The following ANKRD17 variants were observed in gnomAD, a reference collection of about 807,000 sequenced individuals.
ANKRD17 encodes the protein ankyrin repeat domain 17, also known as ankyrin repeat domain-containing protein 17.
A neutral mutation model predicts 229.7 loss-of-function variants in ANKRD17; 19 were observed. The observed-to-expected ratio is 0.08, with a 90% CI of 0.06 to 0.12. The LOEUF is 0.12. Among genes scored for constraint, ANKRD17 ranks in the 10% least tolerant of loss-of-function variants. The pLI is 1.00. For missense variants in ANKRD17, 2,176 were observed against 3,176.8 expected (o/e 0.68, Z 7.57); for synonymous variants, 1,112 against 1,146.1 (o/e 0.97, Z 0.60).
intron 22 of ANKRD17, among the ~76,000 whole-genome samples, chr4:73,116,887 C>G (rs374590598): frequency 2.7e-4 from 41 of 151,854 alleles, no homozygotes; most frequent in East Asian, 9.6e-4. Flanking sequence ...ATATAGTACT[C>G]TAGCCCACAG....
In ANKRD17 at chr4:73,240,758, C is replaced by G. The variant is rs530449230; in HGVS notation, c.393+17518G>C. 9.9e-5 allele frequency among the ~76,000 whole-genome samples: 15 copies of G among 151,992 alleles called. No individual in the cohort carries two copies. In the East Asian group the frequency reaches 2.9e-3, roughly 29 times the overall value. On this transcript the variant is annotated intron_variant, in intron 1 of 33. Coordinates refer to ENST00000358602, the MANE Select transcript of ANKRD17 (RefSeq NM_032217.5). ...ACAGGAAACTGCTTAGTACAAGTAG[C>G]CAATTTTAGTATTCAGGCCTTCAGC...
chr4:73,127,711 T>C (rs1356897951), intron 16 of ANKRD17, among the ~76,000 whole-genome samples: 1 of 152,160 alleles, frequency 6.6e-6, no homozygotes, highest in Non-Finnish European at 1.5e-5. Flanking sequence ...AGGTCATAGA[T>C]TCAAAAACTG....
intron 1 of ANKRD17, among the ~76,000 whole-genome samples, chr4:73,182,749 A>G (rs1735748019): frequency 6.6e-6 from 1 of 152,210 alleles, no homozygotes; most frequent in Non-Finnish European, 1.5e-5. Flanking sequence ...AAATTAGTAA[A>G]GCAAATACAG....
intron 16 of ANKRD17, among the ~76,000 whole-genome samples, chr4:73,133,790 A>G (rs1192430832): frequency 6.6e-6 from 1 of 152,174 alleles, no homozygotes; most frequent in Non-Finnish European, 1.5e-5. Context: ...CAGGAGGCTG[A>G]GACAGGAGTT....
intron 1 of ANKRD17, among the ~76,000 whole-genome samples, chr4:73,209,513 T>A (rs1458833985): frequency 2.0e-5 from 3 of 152,024 alleles, no homozygotes; most frequent in African/African-American, 7.2e-5. Flanking sequence ...TTGAAAACAT[T>A]CCCAAAAACA....
intron 1 of ANKRD17, among the ~76,000 whole-genome samples, chr4:73,211,798 G>A (rs1421359975): frequency 6.8e-6 from 1 of 146,224 alleles, no homozygotes; most frequent in African/African-American, 2.5e-5. Flanking sequence ...AGTGAGCTGA[G>A]ATGGTGCCAT....
At chr4:73,148,307 T>C (rs1199605585) in intron 8 of ANKRD17, among the ~76,000 whole-genome samples, 1 of 152,212 alleles carries the variant, frequency 6.6e-6, no homozygotes, top group Non-Finnish European at 1.5e-5. Flanking sequence ...TATCTTAACA[T>C]ATTGAAGTAA....
At chr4:73,246,193 G>C (rs951643807) in intron 1 of ANKRD17, among the ~76,000 whole-genome samples, 7 of 152,290 alleles carry the variant, frequency 4.6e-5, no homozygotes, top group African/African-American at 7.2e-5. Flanking sequence ...TCAGTAGCCA[G>C]AGCAAAGTTG....
At chr4:73,098,578 C>A in intron 25 of ANKRD17, 58 bp from the exon 26 acceptor site, 1 of 1,489,042 alleles carries the variant, frequency 6.7e-7, no homozygotes, top group Non-Finnish European at 9.1e-7. Context: ...ATGTATTTAG[C>A]TATAAGCACT....
At chr4:73,101,736 G>A in intron 25 of ANKRD17, among the ~76,000 whole-genome samples, 1 of 150,406 alleles carries the variant, frequency 6.6e-6, no homozygotes, top group East Asian at 1.9e-4. Flanking sequence ...ACTTTTAGAT[G>A]GCTCAGAAAA....
At chr4:73,163,252 T>C (rs1732779097) in intron 2 of ANKRD17, among the ~76,000 whole-genome samples, 2 of 151,926 alleles carry the variant, frequency 1.3e-5, no homozygotes, top group Non-Finnish European at 2.9e-5. Flanking sequence ...CTACATATTT[T>C]AAAGGCTCTA....
intron 1 of ANKRD17, among the ~76,000 whole-genome samples, chr4:73,191,730 A>C (rs990511464): frequency 2.6e-5 from 4 of 152,018 alleles, no homozygotes; most frequent in African/African-American, 9.7e-5. Flanking sequence ...TCATAGGATA[A>C]ATACGAATGC....
intron 18 of ANKRD17, among the ~76,000 whole-genome samples, chr4:73,123,089 C>A (rs1726970666): frequency 6.6e-6 from 1 of 152,030 alleles, no homozygotes; most frequent in African/African-American, 2.4e-5. Context: ...ATAACCTAAT[C>A]TGTTATATTT....
At chr4:73,209,486 A>G (rs950786404) in intron 1 of ANKRD17, among the ~76,000 whole-genome samples, 2 of 152,230 alleles carry the variant, frequency 1.3e-5, no homozygotes, top group African/African-American at 2.4e-5. Context: ...TATCTACTAA[A>G]GAAATTCAAT....
intron 1 of ANKRD17, among the ~76,000 whole-genome samples, chr4:73,216,210 TA>T (rs1435457200): frequency 3.3e-5 from 5 of 152,354 alleles, no homozygotes; most frequent in African/African-American, 1.2e-4. Context: ...GGAAAATAAT[TA>T]TTTTTTTATA....
chr4:73,137,273 A>G (rs1729027906), intron 15 of ANKRD17, among the ~76,000 whole-genome samples: 1 of 152,162 alleles, frequency 6.6e-6, no homozygotes, highest in Non-Finnish European at 1.5e-5. Context: ...GTCAGCATAG[A>G]AAAAAGGGAA....
chr4:73,125,197 C>A lies in ANKRD17; in HGVS notation c.3346+4G>T, dbSNP rs374694385. The A allele has an allele frequency of 2.9e-5, 46 of 1,597,708 alleles. No homozygotes were observed. Among genetic ancestry groups the A allele is most frequent in the Non-Finnish European group, 3.6e-5 (42 of 1,175,630 alleles). ...CCAAAAAATAAAACAAAAGTAGGCC[C>A]TACCTTTCTTGTCTCGGTGCTCTAT... On this transcript the variant is annotated splice_donor_region_variant and intron_variant, in intron 17 of 33. Coordinates refer to ENST00000358602, the MANE Select transcript of ANKRD17 (RefSeq NM_032217.5).
At chr4:73,117,846 TACAC>T (rs1371168784) in intron 22 of ANKRD17, among the ~76,000 whole-genome samples, 2 of 152,206 alleles carry the variant, frequency 1.3e-5, no homozygotes, top group Admixed American at 1.3e-4. Context: ...TCAAATTACT[TACAC>T]ACAGCTCTGT....
chr4:73,193,566 T>C (rs1465943210), intron 1 of ANKRD17, among the ~76,000 whole-genome samples: 3 of 152,228 alleles, frequency 2.0e-5, no homozygotes, highest in African/African-American at 7.2e-5. Flanking sequence ...CCCTAATGGC[T>C]AATTAATGGT....
Sources: allele counts gnomAD v4.1 joint callset (sites outside exome capture counted in the v4.1 genomes callset), GRCh38; gene constraint gnomAD v4.1.1; transcripts MANE v1.5; gene names NCBI Gene and HGNC (gene_info 2026-07-23, HGNC 2026-07-21).